The following ZMYM2 variants were observed in gnomAD, a reference collection of about 807,000 sequenced individuals.
ZMYM2 encodes zinc finger MYM-type protein 2.
ZMYM2 carries 56 observed loss-of-function variants against 162.8 expected under a neutral mutation model. That is an observed-to-expected ratio of 0.34 (90% CI 0.28 to 0.43). The LOEUF (loss-of-function observed/expected upper bound fraction) is 0.43, where lower values mean the gene tolerates loss of function less well. ZMYM2 is among the 20% of genes least tolerant of loss of function. The pLI is 1.00. For missense variants in ZMYM2, 1,275 were observed against 1,621.8 expected, an observed-to-expected ratio of 0.79 and a Z score of 3.67; for synonymous variants, 510 against 541.6, an observed-to-expected ratio of 0.94 and a Z score of 0.81.
At chr13:19,869,225 G>C in the ZMYM2 span, among the ~76,000 whole-genome samples, 2 of 152,176 alleles carry the variant, frequency 1.3e-5, no homozygotes, top group Non-Finnish European at 2.9e-5. Context: ...TGTAAAGTCA[G>C]ATGGTGTTTC....
the ZMYM2 span, among the ~76,000 whole-genome samples, chr13:19,920,533 G>A: frequency 2.0e-5 from 3 of 151,308 alleles, no homozygotes; most frequent in African/African-American, 7.3e-5. Context: ...AAAGAGAGAC[G>A]GGAAGGAGAG....
the ZMYM2 span, among the ~76,000 whole-genome samples, chr13:19,893,355 C>A: frequency 2.6e-5 from 4 of 151,788 alleles, no homozygotes; most frequent in African/African-American, 9.7e-5. Context: ...ATACAAAGTT[C>A]TCTGGTAGAG....
At chr13:19,958,597 G>C (rs1033701243), upstream of ZMYM2, 1 of 152,002 alleles carries the variant, frequency 6.6e-6, no homozygotes, top group African/African-American at 2.4e-5. Flanking sequence ...CCGAGGGGGG[G>C]CCCTGAAGGA....
chr13:19,932,969 A>G, the ZMYM2 span, among the ~76,000 whole-genome samples: 3 of 152,072 alleles, frequency 2.0e-5, no homozygotes, highest in Admixed American at 2.0e-4. Context: ...TTATTTTTAG[A>G]GACAGGTCTC....
In ZMYM2 at chr13:20,046,744, C is replaced by CT. The variant is rs555515344; in HGVS notation, c.2293-4682dup. 4.6e-5 allele frequency among the ~76,000 whole-genome samples: 7 copies of CT among 150,626 alleles called. No individual in the cohort carries two copies. In the East Asian group the frequency reaches 1.4e-3, roughly 29 times the overall value. ...ATAGGGAAGTTTGGGATTTGTTTCC[C>CT]TTTTTTTGGGAAGCAAAGGTACGTT... is the stretch of plus-strand genomic sequence containing the variant. On this transcript the variant is annotated intron_variant, in intron 12 of 24. Coordinates refer to ENST00000610343, the MANE Select transcript of ZMYM2 (RefSeq NM_197968.4).
intron 7 of ZMYM2, among the ~76,000 whole-genome samples, chr13:20,021,333 T>C (rs555420380): frequency 1.5e-4 from 23 of 151,812 alleles, no homozygotes; most frequent in East Asian, 9.7e-4. Context: ...TTTCTTTTTT[T>C]TTCTTCTTCT....
the ZMYM2 span, among the ~76,000 whole-genome samples, chr13:19,878,669 T>C: frequency 2.0e-5 from 3 of 151,628 alleles, no homozygotes; most frequent in African/African-American, 7.3e-5. Flanking sequence ...TTACAGGCAC[T>C]CACCACCATG....
chr13:19,984,799 G>A (rs759521554), intron 2 of ZMYM2, among the ~76,000 whole-genome samples: 4 of 152,190 alleles, frequency 2.6e-5, no homozygotes, highest in Non-Finnish European at 5.9e-5. Flanking sequence ...GTTTCGAGAA[G>A]TAGATTGCTG....
chr13:19,899,134 G>A, the ZMYM2 span, among the ~76,000 whole-genome samples: 3 of 151,734 alleles, frequency 2.0e-5, no homozygotes, highest in African/African-American at 7.3e-5. Context: ...TGTATTTTTA[G>A]TAGAGACGGG....
intron 12 of ZMYM2, among the ~76,000 whole-genome samples, chr13:20,037,882 A>G (rs1300933828): frequency 1.3e-5 from 2 of 152,056 alleles, no homozygotes; most frequent in Non-Finnish European, 2.9e-5. Context: ...TGTACTGATT[A>G]TTTTATCACC....
chr13:19,943,843 G>A, the ZMYM2 span, among the ~76,000 whole-genome samples: 1 of 152,186 alleles, frequency 6.6e-6, no homozygotes, highest in South Asian at 2.1e-4. Flanking sequence ...AGACTGAGTG[G>A]AAGCCAGGTT....
chr13:19,993,159 G>A lies in ZMYM2; in HGVS notation c.87G>A (p.Thr29=), dbSNP rs371685601. ...GTACGGCCATGGCAACTAGTCTCAC[G>A]AATGTAGGAAACTCATTTAGTGGTC... is the stretch of plus-strand genomic sequence containing the variant. The part of the protein sequence containing the change: ...LGSTAMATSL[T]NVGNSFSGPA... Residue 29 remains threonine, a synonymous_variant, in exon 3 of 25, where the codon ACG becomes ACA. Transcript: ENST00000610343. The A allele has an allele frequency of 2.4e-5, 39 of 1,614,096 alleles. No individual in the cohort carries two copies. Among genetic ancestry groups the A allele is most frequent in the South Asian group, 7.7e-5 (7 of 91,080 alleles).
intron 14 of ZMYM2, among the ~76,000 whole-genome samples, chr13:20,056,184 A>C (rs1465312743): frequency 2.0e-5 from 3 of 152,226 alleles, no homozygotes; most frequent in African/African-American, 7.2e-5. Context: ...ACAGAGCTCA[A>C]AATTCTTGAG....
chr13:20,077,924 T>C (rs892531827), intron 21 of ZMYM2, among the ~76,000 whole-genome samples: 2 of 151,720 alleles, frequency 1.3e-5, no homozygotes, highest in African/African-American at 4.8e-5. Context: ...TTCACGCCAT[T>C]CTCCTGCCTC....
At chr13:19,899,292 AATAG>A in the ZMYM2 span, among the ~76,000 whole-genome samples, 5 of 152,042 alleles carry the variant, frequency 3.3e-5, no homozygotes, top group Non-Finnish European at 7.4e-5. Flanking sequence ...TAAATAGATA[AATAG>A]ATAAACAATT....
intron 18 of ZMYM2, among the ~76,000 whole-genome samples, chr13:20,063,633 T>C (rs1403646214): frequency 6.7e-6 from 1 of 149,372 alleles, no homozygotes; most frequent in South Asian, 2.1e-4. Context: ...ATACAAAAAT[T>C]AGCTGGGCGT....
At chr13:19,896,033 AT>A in the ZMYM2 span, among the ~76,000 whole-genome samples, 3 of 147,402 alleles carry the variant, frequency 2.0e-5, no homozygotes, top group African/African-American at 7.5e-5. Context: ...TTCTGATTCC[AT>A]TTTTTTTTTT....
chr13:19,968,972 C>T (rs991666218), intron 2 of ZMYM2, among the ~76,000 whole-genome samples: 1 of 152,088 alleles, frequency 6.6e-6, no homozygotes, highest in Non-Finnish European at 1.5e-5. Flanking sequence ...ATATGCATAT[C>T]ACAAAGGACA....
At chr13:19,922,810 C>G in the ZMYM2 span, among the ~76,000 whole-genome samples, 1 of 152,144 alleles carries the variant, frequency 6.6e-6, no homozygotes, top group Non-Finnish European at 1.5e-5. Flanking sequence ...CACCACTGCA[C>G]TCCAGCCTGG....
Sources: gnomAD v4.1 joint callset for allele counts (sites outside exome capture counted in the v4.1 genomes callset) on GRCh38, gnomAD v4.1.1 for gene constraint, MANE v1.5 for transcripts, NCBI Gene and HGNC (gene_info 2026-07-23, HGNC 2026-07-21) for gene names.